Variants in OPCML observed in about 807,000 individuals in gnomAD.
The protein encoded by OPCML is opioid binding protein/cell adhesion molecule like, also known as opioid-binding protein/cell adhesion molecule.
Under a neutral mutation model 37.8 loss-of-function variants are expected in OPCML, and 13 were observed. That is an observed-to-expected ratio of 0.34 (90% confidence interval 0.22 to 0.55). The LOEUF (loss-of-function observed/expected upper bound fraction) is 0.55. Among genes scored for constraint, OPCML ranks in the 20% least tolerant of loss-of-function variants. The probability of loss-of-function intolerance (pLI) is 0.91; values close to 1 mark genes in which losing one functional copy is unlikely to be tolerated. For missense variants in OPCML, 341 were observed against 435.6 expected, an observed-to-expected ratio of 0.78 and a Z score of 1.93; for synonymous variants, 176 against 168.8, an observed-to-expected ratio of 1.04 and a Z score of -0.33.
At chr11:132,556,321 G>A (rs2096395531) in intron 3 of OPCML, among the ~76,000 whole-genome samples, 1 of 152,114 alleles carries the variant, frequency 6.6e-6, no homozygotes, top group African/African-American at 2.4e-5. Context: ...ATAAGAAATA[G>A]GGGTCTATCT....
At chr11:132,926,550 T>A (rs1271481220) in intron 2 of OPCML, among the ~76,000 whole-genome samples, 1 of 152,150 alleles carries the variant, frequency 6.6e-6, no homozygotes, top group East Asian at 1.9e-4. Flanking sequence ...GCCTAAGAAC[T>A]TAAGCCATCA....
intron 1 of OPCML, among the ~76,000 whole-genome samples, chr11:133,186,566 C>A (rs560889501): frequency 3.4e-4 from 51 of 152,180 alleles, no homozygotes; most frequent in Non-Finnish European, 6.5e-4. Flanking sequence ...AAGGGCCTTG[C>A]TTTCCACTCA....
chr11:132,695,224 T>G (rs1045501106), intron 2 of OPCML, among the ~76,000 whole-genome samples: 3 of 152,156 alleles, frequency 2.0e-5, no homozygotes, highest in Non-Finnish European at 2.9e-5. Flanking sequence ...GCACGGCCCC[T>G]TAGAACTTTG....
At chr11:133,084,347 T>C (rs988143585) in intron 1 of OPCML, among the ~76,000 whole-genome samples, 8 of 152,202 alleles carry the variant, frequency 5.3e-5, no homozygotes, top group Admixed American at 1.3e-4. Context: ...ATCAATGTTT[T>C]AAGAAGGCTA....
At chr11:133,332,701 T>C (rs982302364) in intron 1 of OPCML, among the ~76,000 whole-genome samples, 3 of 152,222 alleles carry the variant, frequency 2.0e-5, no homozygotes, top group Non-Finnish European at 2.9e-5. Flanking sequence ...TTTATGTATC[T>C]ACTGAAATAG....
At chr11:133,006,149 C>A (rs1947106770) in intron 1 of OPCML, 1 of 981,722 alleles carries the variant, frequency 1.0e-6, no homozygotes, top group Admixed American at 6.2e-5. Context: ...CCTGGAGAAG[C>A]TCCAACCTAC....
chr11:132,557,592 C>T (rs539061775), intron 3 of OPCML, among the ~76,000 whole-genome samples: 2 of 152,256 alleles, frequency 1.3e-5, no homozygotes, highest in Admixed American at 6.5e-5. Context: ...TTCCAAAGTT[C>T]GCCTCTTCAA....
intron 1 of OPCML, among the ~76,000 whole-genome samples, chr11:133,218,104 G>T (rs1006100322): frequency 1.3e-5 from 2 of 151,746 alleles, no homozygotes; most frequent in Non-Finnish European, 2.9e-5. Context: ...TTCACGCCGG[G>T]GTTTTGTGTA....
chr11:133,513,171 TA>T (rs113173258), intron 1 of OPCML, among the ~76,000 whole-genome samples: 5,633 of 150,158 alleles, frequency 0.038, 168 homozygotes, highest in Middle Eastern at 0.08. Context: ...CCCAAACATT[TA>T]AAAAAAAAAT....
chr11:133,070,459 G>A (rs770784516), intron 1 of OPCML, among the ~76,000 whole-genome samples: 1 of 152,128 alleles, frequency 6.6e-6, no homozygotes, highest in African/African-American at 2.4e-5. Context: ...CTGGGAGAAA[G>A]TGAATGCTGA....
At chr11:133,022,249 C>A (rs1026072385) in intron 1 of OPCML, among the ~76,000 whole-genome samples, 1 of 152,154 alleles carries the variant, frequency 6.6e-6, no homozygotes, top group Non-Finnish European at 1.5e-5. Flanking sequence ...TTGAAATAAC[C>A]TATGAGTCCC....
chr11:132,667,743 G>T (rs1177348495), intron 2 of OPCML, among the ~76,000 whole-genome samples: 1 of 152,184 alleles, frequency 6.6e-6, no homozygotes, highest in African/African-American at 2.4e-5. Context: ...AAGAACAGAA[G>T]AAAGGGGATG....
chr11:133,011,382 G>A (rs945300120), intron 1 of OPCML, among the ~76,000 whole-genome samples: 1 of 152,158 alleles, frequency 6.6e-6, no homozygotes, highest in Admixed American at 6.5e-5. Flanking sequence ...CAGGTGTTGA[G>A]GCTGCAACCT....
intron 1 of OPCML, among the ~76,000 whole-genome samples, chr11:133,087,242 TAGC>T (rs775653178): frequency 1.3e-5 from 2 of 152,220 alleles, no homozygotes; most frequent in African/African-American, 4.8e-5. Flanking sequence ...TTTTTTTAAA[TAGC>T]AGTTTTGAAG....
At chr11:132,609,537 C>T (rs1258789766) in intron 3 of OPCML, among the ~76,000 whole-genome samples, 1 of 152,164 alleles carries the variant, frequency 6.6e-6, no homozygotes, top group Non-Finnish European at 1.5e-5. Context: ...ATTCAGGCTG[C>T]AAGCCTTTGC....
At chr11:133,230,788 G>T (rs912249267) in intron 1 of OPCML, among the ~76,000 whole-genome samples, 15 of 152,150 alleles carry the variant, frequency 9.9e-5, no homozygotes, top group African/African-American at 3.6e-4. Context: ...GTCTACTTTC[G>T]CAAAGTGCCG....
chr11:133,144,582 G>A (rs538834578), intron 1 of OPCML, among the ~76,000 whole-genome samples: 1 of 152,202 alleles, frequency 6.6e-6, no homozygotes, highest in East Asian at 1.9e-4. Flanking sequence ...CATCTAGCAC[G>A]CTGGCCAGCA....
chr11:133,152,515 C>T (rs1950000744), intron 1 of OPCML, among the ~76,000 whole-genome samples: 1 of 152,092 alleles, frequency 6.6e-6, no homozygotes, highest in Non-Finnish European at 1.5e-5. Context: ...AATGCCCACC[C>T]TCCCTAATCC....
Position 133,099,453 on chromosome 11 carries a change from T to C in OPCML, c.62-156443A>G, listed in dbSNP as rs565660678. 1.9e-3 allele frequency among the ~76,000 whole-genome samples: 279 copies of C among 149,694 alleles called. 2 individuals are homozygous for C. The highest frequency in any genetic ancestry group is 6.7e-3 in the African/African-American group (276 of 41,018). ...AATTTTCTTTTTTTCTTTTTTTTTTTTTTTTTTGTATTTTTAGTAGAGATG... is the reference window on the plus strand; with the variant it reads ...AATTTTCTTTTTTTCTTTTTTTTTTCTTTTTTTGTATTTTTAGTAGAGATG... On this transcript the variant is annotated intron_variant, in intron 1 of 7. Transcript: ENST00000524381.
Sources: allele counts gnomAD v4.1 joint callset (sites outside exome capture counted in the v4.1 genomes callset), GRCh38; gene constraint gnomAD v4.1.1; transcripts MANE v1.5; gene names NCBI Gene and HGNC (gene_info 2026-07-23, HGNC 2026-07-21).